Variants in CSMD3 observed in about 807,000 individuals in gnomAD.
CSMD3 encodes CUB and sushi domain-containing protein 3.
CSMD3 carries 177 observed loss-of-function variants against 435.2 expected under a neutral mutation model. The ratio of observed to expected loss-of-function variants is 0.41; its 90% CI spans 0.36 to 0.46. The LOEUF (loss-of-function observed/expected upper bound fraction) is 0.46, where lower values mean the gene tolerates loss of function less well. Ranked by LOEUF, CSMD3 falls within the 20% of genes least tolerant of loss-of-function variation. The pLI is 0.34. For synonymous variants in CSMD3, 1,656 were observed against 1,520.5 expected (o/e 1.09, Z -2.07); for missense variants, 4,265 against 4,504.6 (o/e 0.95, Z 1.52).
chr8:113,195,166 C>T (rs1345910121), intron 3 of CSMD3, among the ~76,000 whole-genome samples: 1 of 147,320 alleles, frequency 6.8e-6, no homozygotes, highest in South Asian at 2.2e-4. Context: ...TTCTTTCTTA[C>T]AAAAAACACT....
At chr8:112,363,404 T>C (rs192171244) in intron 38 of CSMD3, among the ~76,000 whole-genome samples, 10 of 151,986 alleles carry the variant, frequency 6.6e-5, no homozygotes. Flanking sequence ...ATTTCACATG[T>C]GTGCTCTAGT....
At chr8:113,378,218 G>A (rs916823852) in intron 1 of CSMD3, among the ~76,000 whole-genome samples, 3 of 152,146 alleles carry the variant, frequency 2.0e-5, no homozygotes, top group Non-Finnish European at 2.9e-5. Flanking sequence ...TGAATATGGT[G>A]TAATGTGAAG....
intron 10 of CSMD3, among the ~76,000 whole-genome samples, chr8:112,874,749 T>A (rs2081232874): frequency 1.3e-5 from 2 of 152,064 alleles, no homozygotes; most frequent in Admixed American, 1.3e-4. Context: ...TATTTATTCA[T>A]TTTTGCTTTT....
intron 3 of CSMD3, among the ~76,000 whole-genome samples, chr8:113,246,853 G>A (rs180754274): frequency 5.3e-5 from 8 of 152,112 alleles, no homozygotes; most frequent in East Asian, 1.9e-4. Flanking sequence ...AAGATTGAAC[G>A]GAGATTTATT....
chr8:112,929,211 C>T (rs10094930), intron 9 of CSMD3, among the ~76,000 whole-genome samples: 4,810 of 119,328 alleles, frequency 0.04, 320 homozygotes, highest in African/African-American at 0.15. Flanking sequence ...GAGTAGGTTG[C>T]GAAAATTTTC....
rs1321035305 is a variant in CSMD3, at chr8:112,715,199, GA to G, written c.1973-25150del. 3.9e-5 allele frequency among the ~76,000 whole-genome samples: 6 copies of G among 152,074 alleles called. No homozygotes were observed. The East Asian group carries it at 9.7e-4, about 25-fold the overall frequency. The stretch of plus-strand genomic sequence containing the variant: ...AGCTACACTAATGAAGGAGAAAAGA[GA>G]TAAGAATCAAATAGACACAATAAAA... On this transcript the variant is annotated intron_variant, in intron 13 of 70. Transcript: ENST00000297405.
At chr8:113,029,029 AGACT>A (rs1163431139) in intron 5 of CSMD3, among the ~76,000 whole-genome samples, 10 of 151,596 alleles carry the variant, frequency 6.6e-5, no homozygotes, top group African/African-American at 2.4e-4. Flanking sequence ...TTCAAAAGAC[AGACT>A]GACTGTGTTG....
intron 2 of CSMD3, among the ~76,000 whole-genome samples, chr8:113,295,187 A>G (rs1389693277): frequency 2.0e-5 from 3 of 152,142 alleles, no homozygotes; most frequent in Non-Finnish European, 4.4e-5. Context: ...AAACGTCCCA[A>G]TTATACTCTT....
chr8:112,405,795 A>G (rs1488051297), intron 35 of CSMD3, among the ~76,000 whole-genome samples: 1 of 152,082 alleles, frequency 6.6e-6, no homozygotes, highest in East Asian at 1.9e-4. Flanking sequence ...ATTTCCAGAA[A>G]AGTCAGCTTT....
At chr8:112,972,531 A>G (rs1271628299) in intron 7 of CSMD3, among the ~76,000 whole-genome samples, 1 of 151,908 alleles carries the variant, frequency 6.6e-6, no homozygotes, top group Non-Finnish European at 1.5e-5. Flanking sequence ...CAATAAAAGC[A>G]ATATATTATT....
chr8:112,645,469 C>G (rs896721146), intron 19 of CSMD3, among the ~76,000 whole-genome samples: 3 of 152,148 alleles, frequency 2.0e-5, no homozygotes, highest in South Asian at 2.1e-4. Context: ...TGTGCTAATA[C>G]ATTTCTAATT....
intron 3 of CSMD3, among the ~76,000 whole-genome samples, chr8:113,228,024 C>A (rs1241765447): frequency 1.3e-5 from 2 of 151,618 alleles, no homozygotes; most frequent in South Asian, 4.1e-4. Flanking sequence ...AATTTCACCT[C>A]TCTTACAACA....
chr8:112,281,299 A>G lies in CSMD3; in HGVS notation c.9383T>C (p.Ile3128Thr), dbSNP rs1294359481. 11 of 1,613,474 alleles carry G rather than the reference A, an allele frequency of 6.8e-6. No individual in the cohort carries two copies. The highest frequency in any genetic ancestry group is 9.3e-6 in the Non-Finnish European group (11 of 1,179,658). Residue 3128 changes from isoleucine (I) to threonine (T), a missense_variant, in exon 59 of 71, where the codon ATT becomes ACT. Around this residue, in one of 3 missense-constraint regions of CSMD3, gnomAD observed 3,255 missense variants for 3,380.2 expected, o/e 0.96. Transcript: ENST00000297405. ...GTTANGKVFR[I>T]DGTTFSSSVI... The stretch of plus-strand genomic sequence containing the variant: ...TGAACTAGAAAATGTTGTGCCATCA[A>G]TTCGGAAGACTTTCCCATTGGCTGT...
intron 1 of CSMD3, among the ~76,000 whole-genome samples, chr8:113,422,932 T>G (rs1173842785): frequency 3.3e-5 from 5 of 152,178 alleles, no homozygotes; most frequent in African/African-American, 1.2e-4. Context: ...ATCTCAAATT[T>G]TTTAAAAAAT....
chr8:112,409,169 G>A lies in CSMD3; in HGVS notation c.5396-137C>T. 2.0e-6 allele frequency: 3 copies of A among 1,470,908 alleles called. No individual in the cohort carries two copies. The African/African-American group carries it at 4.2e-5, about 21-fold the overall frequency. 91.1% of individuals were successfully genotyped at this position (1,470,908 alleles called of 1,614,324 possible). A position where few individuals can be genotyped will look rare whatever the true frequency, so the allele number is the denominator to read the frequency against. ...ATAGTCATTTTTTTTCTACCTAAAA[G>A]AGGATAGGTGCCAATTGGTTGATAT... On this transcript the variant is annotated intron_variant, in intron 32 of 70. Coordinates refer to ENST00000297405, the MANE Select transcript of CSMD3 (RefSeq NM_198123.2).
chr8:113,258,552 T>C (rs2093402375), intron 3 of CSMD3, among the ~76,000 whole-genome samples: 1 of 152,222 alleles, frequency 6.6e-6, no homozygotes, highest in East Asian at 1.9e-4. Flanking sequence ...TAGGAAAATA[T>C]TTGTCCCATC....
Position 113,173,848 on chromosome 8 carries a change from C to T in CSMD3, c.583G>A (p.Asp195Asn), listed in dbSNP as rs774621721. The T allele has an allele frequency of 5.0e-6, 8 of 1,613,702 alleles. No homozygotes were observed. Among genetic ancestry groups the T allele is most frequent in the East Asian group, 4.5e-5 (2 of 44,836 alleles). The change falls in exon 4 of 71, where the codon GAC becomes AAC. Residue 195 changes from aspartate to asparagine, a missense_variant. Around this residue, in one of 3 missense-constraint regions of CSMD3, gnomAD observed 731 missense variants for 755.4 expected, o/e 0.97. Transcript: ENST00000297405. ...CTGTAGCGGATCTTGTCCCCGACGT[C>T]GAATCTTGTGCCATATAATACACCT... ...PKGVLYGTRFDVGDKIRYSCV... is the reference protein window; with the variant it reads ...PKGVLYGTRFNVGDKIRYSCV...
intron 10 of CSMD3, among the ~76,000 whole-genome samples, chr8:112,883,563 T>A (rs2081506548): frequency 1.3e-5 from 2 of 151,958 alleles, no homozygotes; most frequent in East Asian, 3.9e-4. Context: ...AATTTTTTTG[T>A]AATAATTTTA....
intron 32 of CSMD3, among the ~76,000 whole-genome samples, chr8:112,410,937 T>C (rs1811263571): frequency 6.6e-6 from 1 of 150,754 alleles, no homozygotes; most frequent in African/African-American, 2.4e-5. Context: ...ATGTAATTTA[T>C]TCTTTCTCTT....
Sources: allele counts gnomAD v4.1 joint callset (sites outside exome capture counted in the v4.1 genomes callset), GRCh38; gene constraint gnomAD v4.1.1; regional missense constraint gnomAD v4.1.1; transcripts MANE v1.5; gene names NCBI Gene and HGNC (gene_info 2026-07-23, HGNC 2026-07-21).